FGF12: variants seen among roughly 807,000 people sequenced by gnomAD.
The protein encoded by FGF12 is fibroblast growth factor 12.
Under a neutral mutation model 23.6 loss-of-function variants are expected in FGF12, and 14 were observed. That is an observed-to-expected ratio of 0.59 (90% CI 0.39 to 0.93). FGF12 has a LOEUF of 0.93. Among genes scored for constraint, FGF12 ranks in the 40% least tolerant of loss-of-function variants. The pLI is 0.00. For missense variants in FGF12, 175 were observed against 217.8 expected (o/e 0.80, Z 1.24); for synonymous variants, 62 against 77.3 (o/e 0.80, Z 1.04).
Position 192,514,692 on chromosome 3 carries a change from G to C in FGF12, c.14-154154C>G. The C allele has an allele frequency of 1.0e-6, 1 of 985,368 alleles. No individual in the cohort carries two copies. Among genetic ancestry groups the C allele is most frequent in the African/African-American group, 1.7e-5 (1 of 57,366 alleles). The allele number at this position is 985,368 out of a possible 1,614,324, so 61.0% of individuals were successfully genotyped here. A position where few individuals can be genotyped will look rare whatever the true frequency, so the allele number is the denominator to read the frequency against. On this transcript the variant is annotated intron_variant, in intron 2 of 5. Coordinates refer to ENST00000445105, the MANE Select transcript of FGF12 (RefSeq NM_004113.6). The surrounding 1 kb of genome is among the most constrained non-coding windows in gnomAD (Gnocchi z 4.9). ...CACTTGGGCTGTCGCTGGACCTCAG[G>C]CTCCTTCCACAGAGACACTGCAGCA...
At chr3:192,195,744 A>G (rs903280016) in intron 4 of FGF12, among the ~76,000 whole-genome samples, 2 of 152,134 alleles carry the variant, frequency 1.3e-5, no homozygotes, top group African/African-American at 4.8e-5. Flanking sequence ...GTATGTGTAT[A>G]TATGTATGTA....
At chr3:192,377,229 C>A (rs534677616) in intron 2 of FGF12, among the ~76,000 whole-genome samples, 16 of 152,310 alleles carry the variant, frequency 1.1e-4, no homozygotes, top group African/African-American at 3.8e-4. Context: ...CAGGCCCCTG[C>A]CTGCCTCACA....
At chr3:192,175,252 A>C (rs903060817) in intron 4 of FGF12, among the ~76,000 whole-genome samples, 4 of 152,174 alleles carry the variant, frequency 2.6e-5, no homozygotes, top group Admixed American at 1.3e-4. Context: ...ATATAATAGA[A>C]AGCAGAGTAA....
chr3:192,190,718 G>A (rs1577219686), intron 4 of FGF12, among the ~76,000 whole-genome samples: 1 of 151,420 alleles, frequency 6.6e-6, no homozygotes, highest in Non-Finnish European at 1.5e-5. Context: ...CTCGTGATCC[G>A]CCCACCTCGG....
At chr3:192,648,476 A>ATT (rs1177321427) in intron 2 of FGF12, among the ~76,000 whole-genome samples, 1 of 111,114 alleles carries the variant, frequency 9.0e-6, no homozygotes, top group Admixed American at 8.4e-5. Flanking sequence ...AACAAAGACT[A>ATT]TTTAGATTTT....
At chr3:192,499,493 C>CATATAGAT (rs1553821948) in intron 2 of FGF12, among the ~76,000 whole-genome samples, 1 of 26,172 alleles carries the variant, frequency 3.8e-5, no homozygotes, top group Non-Finnish European at 6.1e-5. Flanking sequence ...TGCTAGCATC[C>CATATAGAT]ATATATATAT....
Position 192,487,582 on chromosome 3 carries a change from A to G in FGF12, c.14-127044T>C, listed in dbSNP as rs118154720. On this transcript the variant is annotated intron_variant, in intron 2 of 5. Coordinates refer to ENST00000445105, the MANE Select transcript of FGF12 (RefSeq NM_004113.6). The stretch of plus-strand genomic sequence containing the variant: ...CATCTACTGTTCATGTCATTGCTGG[A>G]CCCTTTGAGGGGCAGGGTATTGTAT... Among the ~76,000 whole-genome samples, 110 of 152,064 alleles carry G rather than the reference A, an allele frequency of 7.2e-4. No individual in the cohort carries two copies. The East Asian group carries it at 0.017, about 24-fold the overall frequency.
At chr3:192,415,719 T>TTCTC (rs554440615) in intron 2 of FGF12, among the ~76,000 whole-genome samples, 9 of 69,042 alleles carry the variant, frequency 1.3e-4, no homozygotes, top group African/African-American at 4.5e-4. Flanking sequence ...GATACTTCTC[T>TTCTC]TCTCTCTCTC....
chr3:192,596,196 C>T (rs2654693), intron 2 of FGF12, among the ~76,000 whole-genome samples: 49,222 of 149,526 alleles, frequency 0.33, 8,442 homozygotes, highest in African/African-American at 0.41. Context: ...TCTCATGATG[C>T]CTACTCTACT....
rs916856260 is a variant in FGF12, at chr3:192,139,731, G to A, written c.*4278C>T. ...AATATTCTTATTTTTTTTTGCTTCC[G>A]TCTGTTACTAAAGCTCAATACATCA... On this transcript the variant is annotated 3_prime_UTR_variant, in exon 6 of 6. Transcript: ENST00000445105. 18 of 150,660 alleles carry A rather than the reference G, an allele frequency of 1.2e-4. No homozygotes were observed. The highest frequency in any genetic ancestry group is 2.9e-4 in the African/African-American group (12 of 41,092). 9.3% of individuals were successfully genotyped at this position (150,660 alleles called of 1,614,324 possible). A position where few individuals can be genotyped will look rare whatever the true frequency, so the allele number is the denominator to read the frequency against.
chr3:192,642,499 G>A (rs572338083), intron 2 of FGF12, among the ~76,000 whole-genome samples: 1 of 152,322 alleles, frequency 6.6e-6, no homozygotes, highest in South Asian at 2.1e-4. Context: ...GTTATCTCTG[G>A]AAACATAATC....
intron 4 of FGF12, among the ~76,000 whole-genome samples, chr3:192,313,270 A>G (rs1716053412): frequency 6.6e-6 from 1 of 152,194 alleles, no homozygotes; most frequent in African/African-American, 2.4e-5. Context: ...ATAATTTTAA[A>G]TAAATAGGTG....
intron 2 of FGF12, chr3:192,521,373 C>T (rs1278489664): frequency 1.3e-5 from 2 of 152,120 alleles, no homozygotes; most frequent in Non-Finnish European, 2.9e-5. Context: ...TAAACACGAG[C>T]TCGTTAGCCA....
At chr3:192,442,844 G>A (rs1233512702) in intron 2 of FGF12, among the ~76,000 whole-genome samples, 2 of 141,474 alleles carry the variant, frequency 1.4e-5, no homozygotes, top group African/African-American at 5.3e-5. Context: ...GTCTCATTCT[G>A]TCACCCAGGA....
intron 4 of FGF12, among the ~76,000 whole-genome samples, 187 bp downstream of exon 4, chr3:192,335,174 C>T (rs1226740053): frequency 6.6e-6 from 1 of 152,126 alleles, no homozygotes; most frequent in African/African-American, 2.4e-5. Context: ...CTGCAATATA[C>T]TCATTCAACA....
At chr3:192,290,247 C>T (rs889753549) in intron 4 of FGF12, among the ~76,000 whole-genome samples, 2 of 152,166 alleles carry the variant, frequency 1.3e-5, no homozygotes, top group African/African-American at 2.4e-5. Flanking sequence ...ATTAGTTTGA[C>T]TTATTCCACT....
At chr3:192,468,800 T>A (rs1723081060) in intron 2 of FGF12, among the ~76,000 whole-genome samples, 1 of 152,190 alleles carries the variant, frequency 6.6e-6, no homozygotes, top group Admixed American at 6.5e-5. Context: ...TTAGCCTCCA[T>A]CAGGCACATT....
At chr3:192,328,586 G>C (rs1304779961) in intron 4 of FGF12, among the ~76,000 whole-genome samples, 1 of 152,176 alleles carries the variant, frequency 6.6e-6, no homozygotes, top group Non-Finnish European at 1.5e-5. Context: ...CTCTCTCAAA[G>C]ATAAACTGTA....
At chr3:192,551,697 A>G (rs1711534934) in intron 2 of FGF12, among the ~76,000 whole-genome samples, 1 of 152,228 alleles carries the variant, frequency 6.6e-6, no homozygotes, top group African/African-American at 2.4e-5. Flanking sequence ...TAACAAAATC[A>G]AAACAAGCCA....
Sources: gnomAD v4.1 joint callset for allele counts (sites outside exome capture counted in the v4.1 genomes callset) on GRCh38, gnomAD v4.1.1 for gene constraint, Gnocchi (gnomAD v3.1) non-coding constraint, MANE v1.5 for transcripts, NCBI Gene and HGNC (gene_info 2026-07-23, HGNC 2026-07-21) for gene names.